Variants in SLC28A1 observed in about 807,000 individuals in gnomAD.
The protein encoded by SLC28A1 is sodium/nucleoside cotransporter 1.
A neutral mutation model predicts 74.8 loss-of-function variants in SLC28A1; 64 were observed. The observed-to-expected ratio is 0.86, with a 90% confidence interval of 0.70 to 1.05. The LOEUF is 1.05. Ranked by LOEUF, SLC28A1 falls within the 50% of genes least tolerant of loss-of-function variation. The pLI, the probability that SLC28A1 is intolerant of heterozygous loss-of-function variation, is 0.00. For synonymous variants in SLC28A1, 359 were observed against 335.0 expected (o/e 1.07, Z -0.78); for missense variants, 828 against 822.8 (o/e 1.01, Z -0.08).
chr15:84,942,923 A>C (rs1230308496), intron 15 of SLC28A1, among the ~76,000 whole-genome samples: 1 of 152,148 alleles, frequency 6.6e-6, no homozygotes, highest in African/African-American at 2.4e-5. Context: ...GGTGGCTCAC[A>C]CCTGTAATCC....
In SLC28A1 at chr15:84,918,394, C is replaced by T. The variant is rs1484468466; in HGVS notation, c.796-130C>T. The T allele has an allele frequency of 4.8e-5, 37 of 767,892 alleles. 1 individual carries two copies. The highest frequency in any genetic ancestry group is 1.1e-4 in the Admixed American group (6 of 56,546). 47.6% of individuals were successfully genotyped at this position (767,892 alleles called of 1,614,324 possible). ...ATGCACTGATCTCAGAGCATCTTCCCGGATCCTGTCAGGCATCTGAGTGGC... is the reference window on the plus strand; with the variant it reads ...ATGCACTGATCTCAGAGCATCTTCCTGGATCCTGTCAGGCATCTGAGTGGC... On this transcript the variant is annotated intron_variant, in intron 9 of 18. Transcript: ENST00000394573.
intron 9 of SLC28A1, among the ~76,000 whole-genome samples, chr15:84,912,807 CACACACACA>C (rs1968512449): frequency 4.4e-4 from 4 of 9,076 alleles, no homozygotes; most frequent in Non-Finnish European, 7.7e-4. Context: ...TGCGCGCGCG[CACACACACA>C]CACACACACA....
rs116707209 is a variant in SLC28A1, at chr15:84,895,102, G to A, written c.440G>A (p.Arg147His). ...RRFLKPQGHP[R>H]LLLWFKRGLA... ...TTTCTCAAGCCTCAGGGCCATCCCC[G>A]CCTGCTGCTCTGGTTTAAGAGGTGA... The change falls in exon 6 of 19, where the codon CGC becomes CAC. Residue 147 changes from arginine to histidine, a missense_variant. Arg to His is a conservative substitution (Grantham distance 29). Coordinates refer to ENST00000394573, the MANE Select transcript of SLC28A1 (RefSeq NM_004213.5). 7.1e-3 allele frequency: 11,488 copies of A among 1,614,000 alleles called. 54 individuals are homozygous for A. Among genetic ancestry groups the A allele is most frequent in the Non-Finnish European group, 8.3e-3 (9,848 of 1,179,956 alleles).
chr15:84,972,225 A>G, the SLC28A1 span, among the ~76,000 whole-genome samples: 3 of 152,158 alleles, frequency 2.0e-5, no homozygotes, highest in African/African-American at 7.2e-5. Context: ...TTAAAAACCA[A>G]TTGGTTGGAG....
At chr15:84,959,827 C>A in the SLC28A1 span, among the ~76,000 whole-genome samples, 1 of 152,172 alleles carries the variant, frequency 6.6e-6, no homozygotes, top group African/African-American at 2.4e-5. Context: ...TCTCTGTCTT[C>A]CATATTAGAT....
At chr15:84,974,498 G>T in the SLC28A1 span, among the ~76,000 whole-genome samples, 1 of 152,198 alleles carries the variant, frequency 6.6e-6, no homozygotes, top group Non-Finnish European at 1.5e-5. Context: ...ATGCCAACCT[G>T]GCAGGGGTTT....
chr15:84,966,941 T>G, the SLC28A1 span, among the ~76,000 whole-genome samples: 2 of 151,264 alleles, frequency 1.3e-5, no homozygotes, highest in African/African-American at 4.9e-5. Context: ...CCAGCTAAGT[T>G]TTTTATTTTT....
chr15:84,948,352 C>A (rs2079302782), downstream of SLC28A1, among the ~76,000 whole-genome samples: 1 of 152,138 alleles, frequency 6.6e-6, no homozygotes, highest in Non-Finnish European at 1.5e-5. Flanking sequence ...CCCCATCCAG[C>A]TTTTCTGAGA....
At chr15:84,936,880 C>T (rs1308910927) in intron 15 of SLC28A1, among the ~76,000 whole-genome samples, 2 of 152,022 alleles carry the variant, frequency 1.3e-5, no homozygotes, top group Non-Finnish European at 2.9e-5. Flanking sequence ...TAATGAGCCC[C>T]TGTCTTTACT....
downstream of SLC28A1, among the ~76,000 whole-genome samples, chr15:84,950,162 A>G (rs2079368146): frequency 6.6e-6 from 1 of 152,132 alleles, no homozygotes; most frequent in African/African-American, 2.4e-5. Context: ...CTTGGATTGA[A>G]CCCTGTCTCT....
intron 5 of SLC28A1, 138 bp from the exon 6 acceptor site, chr15:84,894,802 A>C: frequency 1.2e-6 from 1 of 815,670 alleles, no homozygotes; most frequent in South Asian, 1.4e-5. Context: ...CCAGATGAGG[A>C]AACAGGCTCA....
At chr15:84,904,375 G>C in intron 7 of SLC28A1, 137 bp downstream of exon 7, 2 of 1,261,434 alleles carry the variant, frequency 1.6e-6, no homozygotes, top group Non-Finnish European at 2.3e-6. Flanking sequence ...GAGAAGGCCT[G>C]TGTGTATCAG....
At chr15:84,941,071 T>G (rs1972619956) in intron 15 of SLC28A1, 3 of 152,782 alleles carry the variant, frequency 2.0e-5, no homozygotes, top group African/African-American at 7.2e-5. Flanking sequence ...CCAACAAGCT[T>G]GGACAGGGAG....
At chr15:84,960,521 G>T in the SLC28A1 span, among the ~76,000 whole-genome samples, 2 of 152,066 alleles carry the variant, frequency 1.3e-5, no homozygotes, top group East Asian at 1.9e-4. Context: ...GCCGGCCAAA[G>T]TGCTGGGATT....
the SLC28A1 span, among the ~76,000 whole-genome samples, chr15:84,961,225 G>A: frequency 1.3e-5 from 2 of 152,108 alleles, no homozygotes; most frequent in African/African-American, 2.4e-5. Flanking sequence ...TGAGAACAGC[G>A]TGACTCAGAA....
chr15:84,924,825 C>T (rs1970286841), intron 12 of SLC28A1, among the ~76,000 whole-genome samples: 2 of 152,116 alleles, frequency 1.3e-5, no homozygotes, highest in South Asian at 4.1e-4. Context: ...TTGCTTATTG[C>T]AGAAACAAAT....
chr15:84,932,044 A>G (rs1051124242), intron 12 of SLC28A1, among the ~76,000 whole-genome samples: 1 of 151,984 alleles, frequency 6.6e-6, no homozygotes, highest in Non-Finnish European at 1.5e-5. Context: ...CCCTGGCCCC[A>G]GCAGCCAGGG....
At chr15:84,914,765 C>T (rs1968845362) in intron 9 of SLC28A1, among the ~76,000 whole-genome samples, 1 of 152,046 alleles carries the variant, frequency 6.6e-6, no homozygotes, top group South Asian at 2.1e-4. Context: ...CCTGCAGGCC[C>T]CAGAGGTGTT....
intron 2 of SLC28A1, chr15:84,887,317 T>A (rs953746986): frequency 1.8e-5 from 18 of 982,470 alleles, no homozygotes; most frequent in Non-Finnish European, 2.1e-5. Flanking sequence ...TTTCCTTCCC[T>A]ATGAAGTGGG....
Sources: gnomAD v4.1 joint callset for allele counts (sites outside exome capture counted in the v4.1 genomes callset) on GRCh38, gnomAD v4.1.1 for gene constraint, MANE v1.5 for transcripts, NCBI Gene and HGNC (gene_info 2026-07-23, HGNC 2026-07-21) for gene names.